The following ATP6V1B1 variants were observed in gnomAD, a reference collection of about 807,000 sequenced individuals.
ATP6V1B1 encodes V-type proton ATPase subunit B, kidney isoform.
Under a neutral mutation model 62.1 loss-of-function variants are expected in ATP6V1B1, and 41 were observed. That is an observed-to-expected ratio of 0.66 (90% confidence interval 0.51 to 0.86). The LOEUF is 0.86. Among genes scored for constraint, ATP6V1B1 ranks in the 40% least tolerant of loss-of-function variants. The pLI, the probability that ATP6V1B1 is intolerant of heterozygous loss-of-function variation, is 0.00. For synonymous variants in ATP6V1B1, 253 were observed against 273.4 expected (o/e 0.93, Z 0.74); for missense variants, 651 against 697.5 (o/e 0.93, Z 0.75).
At chr2:70,962,427 C>T (rs530618144) in intron 8 of ATP6V1B1, among the ~76,000 whole-genome samples, 1 of 152,264 alleles carries the variant, frequency 6.6e-6, no homozygotes, top group East Asian at 1.9e-4. Context: ...AACTCATCTA[C>T]AGTGTGATAT....
chr2:70,960,640 G>A (rs1223819413), intron 6 of ATP6V1B1, among the ~76,000 whole-genome samples: 1 of 152,206 alleles, frequency 6.6e-6, no homozygotes, highest in African/African-American at 2.4e-5. Context: ...GGCTGTGGAG[G>A]GGTATGGAGC....
rs1680633913 is a variant in ATP6V1B1 at position 70,963,251 on chromosome 2, C to T, written c.999C>T (p.Gly333=). Residue 333 remains glycine (G), a synonymous_variant, in exon 10 of 14, where the codon GGC becomes GGT. Coordinates refer to ENST00000234396, the MANE Select transcript of ATP6V1B1 (RefSeq NM_001692.4). The surrounding 1 kb of genome is among the most constrained non-coding windows in gnomAD (Gnocchi z 4.3). The stretch of plus-strand genomic sequence containing the variant: ...TGGCCACCATCTACGAGCGGGCGGG[C>T]CGCGTGGAGGGTCGGGGAGGATCCA... ...TDLATIYERA[G]RVEGRGGSIT... 1.2e-6 allele frequency: 2 copies of T among 1,613,922 alleles called. No homozygotes were observed. Among genetic ancestry groups the T allele is most frequent in the Non-Finnish European group, 1.7e-6 (2 of 1,180,006 alleles).
intron 2 of ATP6V1B1, among the ~76,000 whole-genome samples, chr2:70,951,239 G>A (rs970770080): frequency 3.3e-5 from 5 of 151,952 alleles, no homozygotes; most frequent in Non-Finnish European, 5.9e-5. Context: ...CACTGCGCCC[G>A]GCCTTCCTGA....
chr2:70,945,732 A>G (rs1241727304), intron 2 of ATP6V1B1, among the ~76,000 whole-genome samples: 1 of 135,160 alleles, frequency 7.4e-6, no homozygotes, highest in African/African-American at 2.9e-5. Flanking sequence ...ATATATATAT[A>G]TATATATATA....
chr2:70,938,462 G>T, intron 1 of ATP6V1B1: 1 of 787,362 alleles, frequency 1.3e-6, no homozygotes, highest in African/African-American at 1.9e-5. Flanking sequence ...GGTGCCTAAG[G>T]GCAGGGAGGC....
intron 1 of ATP6V1B1, among the ~76,000 whole-genome samples, chr2:70,938,125 T>A (rs904706835): frequency 6.6e-6 from 1 of 152,132 alleles, no homozygotes; most frequent in African/African-American, 2.4e-5. Context: ...CGGGCCAGCC[T>A]CAGCCCAGCC....
Position 70,965,109 on chromosome 2 carries a change from C to T in ATP6V1B1, c.1530C>T (p.Asp510=). Residue 510 remains aspartate (D), a synonymous_variant, in exon 14 of 14, where the codon GAC becomes GAT. Transcript: ENST00000234396. Reference sequence around the variant, plus strand: ...GGGCGCTGCAGGACCTCGCGCCTGACACTGCGCTCTAGCCCCGCGCGCCGT... The same window carrying T: ...GGGCGCTGCAGGACCTCGCGCCTGATACTGCGCTCTAGCCCCGCGCGCCGT... ...REGALQDLAP[D]TAL 2 of 1,611,072 alleles carry T rather than the reference C, an allele frequency of 1.2e-6. No individual in the cohort carries two copies.
intron 2 of ATP6V1B1, chr2:70,944,004 C>CCTA (rs1680083050): frequency 1.0e-6 from 1 of 985,016 alleles, no homozygotes; most frequent in South Asian, 4.7e-5. Flanking sequence ...CCTCCGTTTC[C>CCTA]CTATCAGTGG....
At position 70,963,645 on chromosome 2, in the gene ATP6V1B1, C is replaced by T. The variant is rs782037985; in HGVS notation, c.1134C>T (p.His378=). 8.1e-6 allele frequency: 13 copies of T among 1,614,072 alleles called. No homozygotes were observed. The Admixed American group carries it at 2.2e-4, about 27-fold the overall frequency. ...EGQIYVDRQL[H]NRQIYPPINV... is the part of the protein sequence containing the mutation. Reference sequence around the variant, plus strand: ...AGATCTACGTGGACAGACAGCTTCACAACAGACAGGTACTGCCCTGTCCCT... The same window carrying T: ...AGATCTACGTGGACAGACAGCTTCATAACAGACAGGTACTGCCCTGTCCCT... The change falls in exon 11 of 14, where the codon CAC becomes CAT. Residue 378 remains histidine, a synonymous_variant. Transcript: ENST00000234396. This position sits in a 1 kb window ranked among gnomAD's most constrained non-coding sequence, Gnocchi z 4.3.
chr2:70,936,061 A>G lies in ATP6V1B1; in HGVS notation c.107A>G (p.His36Arg). The stretch of plus-strand genomic sequence containing the variant: ...GCGGTCACCCGAAACTACATCACCC[A>G]CCCCCGTGTCAGTGAGTAGCCCCTC... ...MQAVTRNYITHPRVTYRTVCS... is the reference protein window; with the variant it reads ...MQAVTRNYITRPRVTYRTVCS... The change falls in exon 1 of 14, where the codon CAC (histidine) becomes CGC (arginine). Residue 36 changes from histidine to arginine, a missense_variant. Coordinates refer to ENST00000234396, the MANE Select transcript of ATP6V1B1 (RefSeq NM_001692.4). 1 of 1,610,396 alleles carries G rather than the reference A, an allele frequency of 6.2e-7. No individual in the cohort carries two copies. The highest frequency in any genetic ancestry group is 2.2e-5 in the East Asian group (1 of 44,686).
At position 70,963,335 on chromosome 2, in the gene ATP6V1B1, C is replaced by T. The variant is rs1572923214; in HGVS notation, c.1060+23C>T. ...ACGGTAGCCTCCTCACAGCCCACTACCCTCCAGAGCTCCCCTGTCCTCCCT... is the reference window on the plus strand; with the variant it reads ...ACGGTAGCCTCCTCACAGCCCACTATCCTCCAGAGCTCCCCTGTCCTCCCT... On this transcript the variant is annotated intron_variant, in intron 10 of 13. Coordinates refer to ENST00000234396, the MANE Select transcript of ATP6V1B1 (RefSeq NM_001692.4). This position sits in a 1 kb window ranked among gnomAD's most constrained non-coding sequence, Gnocchi z 4.3. 9 of 1,612,468 alleles carry T rather than the reference C, an allele frequency of 5.6e-6. No homozygotes were observed. Among genetic ancestry groups the T allele is most frequent in the Non-Finnish European group, 7.6e-6 (9 of 1,180,018 alleles).
At position 70,963,821 on chromosome 2, in the gene ATP6V1B1, G is replaced by A. The variant is rs1680648262; in HGVS notation, c.1143+167G>A. Among the ~76,000 whole-genome samples the A allele has an allele frequency of 6.6e-6, 1 of 152,210 alleles. No homozygotes were observed. Among genetic ancestry groups the A allele is most frequent in the Admixed American group, 6.5e-5 (1 of 15,280 alleles). On this transcript the variant is annotated intron_variant, in intron 11 of 13. Coordinates refer to ENST00000234396, the MANE Select transcript of ATP6V1B1 (RefSeq NM_001692.4). The surrounding 1 kb of genome is among the most constrained non-coding windows in gnomAD (Gnocchi z 4.3). ...TGGTTCACAGACAGAAGACAGGCCT[G>A]AGCAGAATCTGGTTTACCTGGCTCT...
chr2:70,957,840 C>T (rs180866890), intron 2 of ATP6V1B1: 1 of 601,980 alleles, frequency 1.7e-6, no homozygotes, highest in South Asian at 1.9e-5. Context: ...TCAGCTGTAA[C>T]CTGGTCTTGC....
At position 70,959,783 on chromosome 2, in the gene ATP6V1B1, T is replaced by C. The variant is rs77366615; in HGVS notation, c.446-156T>C. Among the ~76,000 whole-genome samples the C allele has an allele frequency of 3.0e-4, 45 of 152,336 alleles. 1 individual carries two copies. In the East Asian group the frequency reaches 8.5e-3, roughly 29 times the overall value. Reference sequence around the variant, plus strand: ...ACGTCATGTGCTCAATAGCCATTTGTATCTAGGGCTACATCAGGCAGCACG... The same window carrying C: ...ACGTCATGTGCTCAATAGCCATTTGCATCTAGGGCTACATCAGGCAGCACG... On this transcript the variant is annotated intron_variant, in intron 5 of 13. Transcript: ENST00000234396. This position sits in a 1 kb window ranked among gnomAD's most constrained non-coding sequence, Gnocchi z 4.2.
chr2:70,962,975 C>T (rs1007189969), intron 9 of ATP6V1B1, 75 bp downstream of exon 9: 2 of 1,608,422 alleles, frequency 1.2e-6, no homozygotes, highest in Non-Finnish European at 1.7e-6. Context: ...GGTCACCCTG[C>T]AAATAGAGGG....
Position 70,943,140 on chromosome 2 carries a change from C to A in ATP6V1B1, c.119-518C>A, listed in dbSNP as rs552139988. On this transcript the variant is annotated intron_variant, in intron 1 of 13. Transcript: ENST00000234396. Reference sequence around the variant, plus strand: ...AGGAACCTTGTGATGAGAGCAGAGGCCCCGTCTGGTTTTTCTCACTGACGT... The same window carrying A: ...AGGAACCTTGTGATGAGAGCAGAGGACCCGTCTGGTTTTTCTCACTGACGT... 6.6e-4 allele frequency among the ~76,000 whole-genome samples: 100 copies of A among 152,220 alleles called. 1 individual carries two copies. The highest frequency in any genetic ancestry group is 2.1e-3 in the African/African-American group (88 of 41,530).
rs1679965644 is a variant in ATP6V1B1, at chr2:70,940,486, C to T, written c.119-3172C>T. 5 of 985,458 alleles carry T rather than the reference C, an allele frequency of 5.1e-6. No individual in the cohort carries two copies. In the African/African-American group the frequency reaches 7.0e-5, roughly 14 times the overall value. The allele number at this position is 985,458 out of a possible 1,614,324, so 61.0% of individuals were successfully genotyped here. Reference sequence around the variant, plus strand: ...ATGAGGGTCTCTCCTGCCTGCCCTGCATCCCTTTGCTTGCACAATCCACTA... The same window carrying T: ...ATGAGGGTCTCTCCTGCCTGCCCTGTATCCCTTTGCTTGCACAATCCACTA... On this transcript the variant is annotated intron_variant, in intron 1 of 13. Transcript: ENST00000234396.
chr2:70,942,300 A>G, intron 1 of ATP6V1B1: 1 of 398,928 alleles, frequency 2.5e-6, no homozygotes. Context: ...TGCTCTGGCA[A>G]AGTGCAAGTT....
intron 1 of ATP6V1B1, among the ~76,000 whole-genome samples, chr2:70,936,707 C>G (rs1002030509): frequency 8.5e-5 from 13 of 152,142 alleles, no homozygotes; most frequent in Admixed American, 8.5e-4. Flanking sequence ...TGTGTGTGCA[C>G]TTAGGTGTGA....
Sources: allele counts gnomAD v4.1 joint callset (sites outside exome capture counted in the v4.1 genomes callset), GRCh38; gene constraint gnomAD v4.1.1; non-coding constraint Gnocchi (gnomAD v3.1); transcripts MANE v1.5; gene names NCBI Gene and HGNC (gene_info 2026-07-23, HGNC 2026-07-21).